The following TRPC5 variants were observed in gnomAD, a reference collection of about 807,000 sequenced individuals.
TRPC5 encodes transient receptor potential cation channel subfamily C member 5.
Under a neutral mutation model 56.5 loss-of-function variants are expected in TRPC5, and 9 were observed. The ratio of observed to expected loss-of-function variants is 0.16; its 90% confidence interval spans 0.10 to 0.28. The LOEUF (loss-of-function observed/expected upper bound fraction) is 0.28, where lower values mean the gene tolerates loss of function less well. TRPC5 is among the 10% of genes least tolerant of loss of function. The probability of loss-of-function intolerance (pLI) is 1.00; values close to 1 mark genes in which losing one functional copy is unlikely to be tolerated. For missense variants in TRPC5, 469 were observed against 748.9 expected (o/e 0.63, Z 4.36); for synonymous variants, 282 against 278.5 (o/e 1.01, Z -0.13).
At chrX:112,014,878 C>T (rs1251147821) in intron 1 of TRPC5, among the ~76,000 whole-genome samples, 1 of 111,439 alleles carries the variant, frequency 9.0e-6, no homozygotes, top group Non-Finnish European at 1.9e-5. Context: ...ATACTAATGC[C>T]TAGGCCCCAT....
At chrX:111,967,811 C>A (rs1460799674) in intron 1 of TRPC5, among the ~76,000 whole-genome samples, 2 of 111,819 alleles carry the variant, frequency 1.8e-5, no homozygotes, top group African/African-American at 3.3e-5. Flanking sequence ...ACACCTTATA[C>A]AAAAATTAAT....
chrX:112,080,765 TA>T (rs1930944689), intron 1 of TRPC5, among the ~76,000 whole-genome samples: 1 of 111,799 alleles, frequency 8.9e-6, no homozygotes, highest in Admixed American at 9.5e-5. Flanking sequence ...AAATCATCAA[TA>T]AAACATCAAA....
intron 7 of TRPC5, among the ~76,000 whole-genome samples, chrX:111,787,360 A>G (rs779543112): frequency 9.8e-5 from 11 of 111,760 alleles, no homozygotes; most frequent in African/African-American, 3.6e-4. Flanking sequence ...GAAATCAATG[A>G]GAACAAAGAC....
intron 2 of TRPC5, among the ~76,000 whole-genome samples, chrX:111,926,249 A>G (rs1926255046): frequency 9.0e-6 from 1 of 111,410 alleles, no homozygotes; most frequent in Admixed American, 9.6e-5. Context: ...ATGGTTCTCA[A>G]TGTCTGGAAG....
intron 1 of TRPC5, among the ~76,000 whole-genome samples, chrX:112,012,115 GT>G (rs1929008006): frequency 8.9e-6 from 1 of 112,087 alleles, no homozygotes; most frequent in African/African-American, 3.2e-5. Context: ...GGGGTCTACT[GT>G]ATATTCAACT....
intron 2 of TRPC5, among the ~76,000 whole-genome samples, chrX:111,947,809 G>T (rs1926968614): frequency 8.9e-6 from 1 of 111,866 alleles, no homozygotes; most frequent in Non-Finnish European, 1.9e-5. Context: ...TTTTTCTAGT[G>T]ATGTAATACA....
At chrX:111,868,412 C>T (rs1923612484) in intron 3 of TRPC5, among the ~76,000 whole-genome samples, 1 of 112,518 alleles carries the variant, frequency 8.9e-6, no homozygotes, top group African/African-American at 3.2e-5. Context: ...AAAAACAAGT[C>T]AGTTTCACAG....
intron 7 of TRPC5, among the ~76,000 whole-genome samples, chrX:111,830,150 A>C (rs1020750505): frequency 8.0e-5 from 9 of 112,624 alleles, no homozygotes; most frequent in Non-Finnish European, 1.7e-4. Flanking sequence ...TTCAAGGTTT[A>C]ATGACCGCCC....
intron 1 of TRPC5, among the ~76,000 whole-genome samples, chrX:112,022,982 TGG>T (rs1491449108): frequency 1.8e-5 from 2 of 111,143 alleles, no homozygotes; most frequent in African/African-American, 3.3e-5. Flanking sequence ...TCACCCAAGC[TGG>T]AGTGCAGTGG....
intron 1 of TRPC5, among the ~76,000 whole-genome samples, chrX:111,993,531 A>C (rs997271106): frequency 1.2e-4 from 13 of 112,076 alleles, no homozygotes; most frequent in African/African-American, 3.9e-4. Flanking sequence ...GTGTAAAAGC[A>C]TTCCTATTTC....
intron 1 of TRPC5, among the ~76,000 whole-genome samples, chrX:112,069,687 C>T (rs375249999): frequency 8.9e-6 from 1 of 112,245 alleles, no homozygotes; most frequent in Non-Finnish European, 1.9e-5. Context: ...CCTCAGACAA[C>T]GTCTCCTTCC....
chrX:111,833,030 A>C, intron 7 of TRPC5, among the ~76,000 whole-genome samples: 1 of 111,576 alleles, frequency 9.0e-6, no homozygotes, highest in Non-Finnish European at 1.9e-5. Flanking sequence ...ATAGAATGCC[A>C]AGCAGAGGGG....
At chrX:112,043,466 C>T (rs139043186) in intron 1 of TRPC5, among the ~76,000 whole-genome samples, 99 of 110,858 alleles carry the variant, frequency 8.9e-4, no homozygotes, top group African/African-American at 3.0e-3. Context: ...AAAGTAGCTA[C>T]TGGCTTAGTG....
At chrX:111,940,230 C>T (rs1926732004) in intron 2 of TRPC5, among the ~76,000 whole-genome samples, 1 of 111,251 alleles carries the variant, frequency 9.0e-6, no homozygotes. Flanking sequence ...CAGAATACCT[C>T]GTTATTTATT....
chrX:111,904,340 T>G (rs1490434745), intron 3 of TRPC5, among the ~76,000 whole-genome samples: 2 of 112,258 alleles, frequency 1.8e-5, no homozygotes, highest in Admixed American at 1.9e-4. Flanking sequence ...ATGCGTATGT[T>G]CATTGCAGCA....
At chrX:111,919,898 T>C (rs1800624305) in intron 2 of TRPC5, among the ~76,000 whole-genome samples, 1 of 112,605 alleles carries the variant, frequency 8.9e-6, no homozygotes, top group South Asian at 3.7e-4. Context: ...ACATGTGGCC[T>C]GCAGGTCGCA....
intron 3 of TRPC5, among the ~76,000 whole-genome samples, chrX:111,874,992 CAG>C (rs896916528): frequency 8.9e-6 from 1 of 112,126 alleles, no homozygotes; most frequent in Non-Finnish European, 1.9e-5. Context: ...TGGAGTAAGA[CAG>C]ACATGAGGTC....
rs185085330 is a variant in TRPC5, at chrX:111,876,229, A to G, written c.901-22123T>C. On this transcript the variant is annotated intron_variant, in intron 3 of 10. Transcript: ENST00000262839. The stretch of plus-strand genomic sequence containing the variant: ...TACAGCTCTGATGTTTCTGGTAGCC[A>G]TCTTTTTCTAATATCTCTGTGAAGG... The G allele has an allele frequency of 3.3e-3, 366 of 110,934 alleles. 2 individuals are homozygous for G. Among genetic ancestry groups the G allele is most frequent in the African/African-American group, 0.012 (357 of 30,515 alleles). 9.1% of individuals were successfully genotyped at this position (110,934 alleles called of 1,213,427 possible).
intron 1 of TRPC5, among the ~76,000 whole-genome samples, chrX:112,039,737 G>A (rs1380166839): frequency 9.0e-6 from 1 of 111,125 alleles, no homozygotes; most frequent in Non-Finnish European, 1.9e-5. Flanking sequence ...AAAATCAACT[G>A]GAAAAAAACA....
Sources: gnomAD v4.1 joint callset for allele counts (sites outside exome capture counted in the v4.1 genomes callset) on GRCh38, gnomAD v4.1.1 for gene constraint, MANE v1.5 for transcripts, NCBI Gene and HGNC (gene_info 2026-07-23, HGNC 2026-07-21) for gene names.